MME: variants seen among roughly 807,000 people sequenced by gnomAD.
MME encodes the protein neprilysin.
A neutral mutation model predicts 113.2 loss-of-function variants in MME; 98 were observed. The observed-to-expected ratio is 0.87, with a 90% confidence interval of 0.74 to 1.02. The LOEUF (loss-of-function observed/expected upper bound fraction) is 1.02, where lower values mean the gene tolerates loss of function less well. MME is among the 50% of genes least tolerant of loss of function. The pLI, the probability that MME is intolerant of heterozygous loss-of-function variation, is 0.00. For missense variants in MME, 836 were observed against 896.0 expected (o/e 0.93, Z 0.86); for synonymous variants, 292 against 300.6 (o/e 0.97, Z 0.30).
intron 1 of MME, among the ~76,000 whole-genome samples, chr3:155,030,293 G>A (rs1021592710): frequency 1.3e-5 from 2 of 152,078 alleles, no homozygotes; most frequent in Admixed American, 6.6e-5. Context: ...GATTTTCTTT[G>A]TAAGTATAAT....
intron 17 of MME, among the ~76,000 whole-genome samples, chr3:155,166,335 A>G (rs1387756104): frequency 6.6e-6 from 1 of 152,208 alleles, no homozygotes; most frequent in Non-Finnish European, 1.5e-5. Flanking sequence ...TAAATAGAAT[A>G]TGAGGTAGTC....
At chr3:155,164,927 T>A (rs964943393) in intron 17 of MME, among the ~76,000 whole-genome samples, 1 of 152,156 alleles carries the variant, frequency 6.6e-6, no homozygotes, top group African/African-American at 2.4e-5. Flanking sequence ...CTTTTTGAAG[T>A]CTTCTCTGTA....
intron 8 of MME, among the ~76,000 whole-genome samples, chr3:155,128,682 T>C (rs989812291): frequency 1.3e-5 from 2 of 151,520 alleles, no homozygotes; most frequent in African/African-American, 2.4e-5. Flanking sequence ...TTTAATGTCT[T>C]TTTTTTTCTA....
At chr3:155,102,123 G>A (rs976366646) in intron 3 of MME, among the ~76,000 whole-genome samples, 1 of 152,110 alleles carries the variant, frequency 6.6e-6, no homozygotes, top group African/African-American at 2.4e-5. Context: ...AGCAATAAAA[G>A]TCATTTTTTA....
intron 1 of MME, among the ~76,000 whole-genome samples, chr3:155,048,759 G>A (rs114195277): frequency 0.027 from 4,065 of 152,060 alleles, 82 homozygotes; most frequent in South Asian, 0.089. Flanking sequence ...TCCTTTTCAT[G>A]TAAAAATACT....
At chr3:155,176,869 C>A (rs1373582972) in intron 22 of MME, among the ~76,000 whole-genome samples, 3 of 151,932 alleles carry the variant, frequency 2.0e-5, no homozygotes, top group Non-Finnish European at 4.4e-5. Flanking sequence ...GTCATAAACA[C>A]CAAATGTTAA....
chr3:155,142,021 A>G lies in MME; in HGVS notation c.988A>G (p.Ile330Val), dbSNP rs1221692971. ...PFSWLNFTNEIMSTVNISITN... is the reference protein window; with the variant it reads ...PFSWLNFTNEVMSTVNISITN... ...CAGCTGGTTGAATTTCACAAATGAA[A>G]TCATGTCAACTGTGAATATTAGTAT... Residue 330 changes from isoleucine (I) to valine (V), a missense_variant, in exon 11 of 23, where the codon ATC (isoleucine) becomes GTC (valine). Transcript: ENST00000360490. 2 of 1,613,580 alleles carry G rather than the reference A, an allele frequency of 1.2e-6. No homozygotes were observed. The highest frequency in any genetic ancestry group is 1.7e-6 in the Non-Finnish European group (2 of 1,179,752).
intron 1 of MME, among the ~76,000 whole-genome samples, chr3:155,036,409 A>G (rs1004853231): frequency 3.9e-5 from 6 of 152,126 alleles, no homozygotes; most frequent in Non-Finnish European, 7.4e-5. Flanking sequence ...ATTTGTCTTG[A>G]GTCCTGTCCC....
chr3:155,078,653 GTGTGTA>G (rs1438449198), upstream of MME, among the ~76,000 whole-genome samples: 42 of 133,680 alleles, frequency 3.1e-4, no homozygotes, highest in African/African-American at 8.6e-4. Flanking sequence ...GTGAATATGT[GTGTGTA>G]TGTGTGTGTG....
chr3:155,057,071 G>T (rs1407957089), intron 1 of MME, among the ~76,000 whole-genome samples: 2 of 152,126 alleles, frequency 1.3e-5, no homozygotes, highest in Admixed American at 6.5e-5. Flanking sequence ...AAAAGCAATG[G>T]CAATAAAAGC....
intron 1 of MME, among the ~76,000 whole-genome samples, chr3:155,056,256 C>T (rs1408225242): frequency 6.6e-6 from 1 of 151,448 alleles, no homozygotes; most frequent in African/African-American, 2.4e-5. Context: ...TATACATGTG[C>T]CATGCTGGTG....
intron 1 of MME, among the ~76,000 whole-genome samples, chr3:155,057,807 G>A (rs1285146691): frequency 2.0e-5 from 3 of 151,294 alleles, no homozygotes; most frequent in Non-Finnish European, 1.5e-5. Flanking sequence ...TCCCCATACT[G>A]CTTACAGGAT....
At chr3:155,051,358 A>C (rs755243329) in intron 1 of MME, among the ~76,000 whole-genome samples, 8 of 152,222 alleles carry the variant, frequency 5.3e-5, no homozygotes, top group Non-Finnish European at 1.2e-4. Context: ...TCAGAATGCT[A>C]CACTAGCAGA....
intron 3 of MME, among the ~76,000 whole-genome samples, chr3:155,091,914 C>T (rs1716331916): frequency 6.6e-6 from 1 of 152,110 alleles, no homozygotes. Context: ...CTGTTCAAAA[C>T]ATCCTAGATG....
intron 3 of MME, among the ~76,000 whole-genome samples, chr3:155,101,481 C>G (rs1451090008): frequency 2.0e-5 from 3 of 152,130 alleles, no homozygotes; most frequent in South Asian, 4.2e-4. Context: ...TTCCAGTCAG[C>G]CCTACTCTTG....
intron 16 of MME, among the ~76,000 whole-genome samples, chr3:155,150,040 AT>A (rs140379155): frequency 1.3e-5 from 2 of 152,300 alleles, no homozygotes; most frequent in South Asian, 2.1e-4. Context: ...ATCTGGGTGA[AT>A]TTATGATCTG....
intron 22 of MME, among the ~76,000 whole-genome samples, chr3:155,177,061 G>GT (rs1712613862): frequency 6.6e-6 from 1 of 151,916 alleles, no homozygotes; most frequent in South Asian, 2.1e-4. Flanking sequence ...TCTTTTAGGT[G>GT]TTTTTTGTTT....
At chr3:155,066,708 A>G (rs1330040378) in intron 1 of MME, among the ~76,000 whole-genome samples, 1 of 152,162 alleles carries the variant, frequency 6.6e-6, no homozygotes, top group African/African-American at 2.4e-5. Context: ...CTGATTGAAA[A>G]TCTATGTCAC....
At position 155,115,055 on chromosome 3, in the gene MME, T is replaced by C. The variant is rs199628395; in HGVS notation, c.258T>C (p.Tyr86=). 7.4e-6 allele frequency: 12 copies of C among 1,614,172 alleles called. No homozygotes were observed. The highest frequency in any genetic ancestry group is 1.6e-4 in the Middle Eastern group (1 of 6,062). The change falls in exon 4 of 23, where the codon TAT becomes TAC. Residue 86 remains tyrosine (Y), a synonymous_variant. Coordinates refer to ENST00000360490, the MANE Select transcript of MME (RefSeq NM_007289.4). The part of the protein sequence containing the change: ...TTEPCTDFFK[Y]ACGGWLKRNV... ...AGCCTTGTACAGACTTTTTCAAATA[T>C]GCTTGCGGAGGCTGGTTGAAACGTA... is the stretch of plus-strand genomic sequence containing the variant.
Sources: allele counts gnomAD v4.1 joint callset (sites outside exome capture counted in the v4.1 genomes callset), GRCh38; gene constraint gnomAD v4.1.1; transcripts MANE v1.5; gene names NCBI Gene and HGNC (gene_info 2026-07-23, HGNC 2026-07-21).